ABCA4: variants seen among roughly 807,000 people sequenced by gnomAD.
ABCA4 encodes ATP binding cassette subfamily A member 4, also known as retinal-specific phospholipid-transporting ATPase ABCA4.
ABCA4 carries 196 observed loss-of-function variants against 263.7 expected under a neutral mutation model. The ratio of observed to expected loss-of-function variants is 0.74; its 90% CI spans 0.66 to 0.84. The LOEUF (loss-of-function observed/expected upper bound fraction) is 0.84. Among genes scored for constraint, ABCA4 ranks in the 40% least tolerant of loss-of-function variants. The pLI, the probability that ABCA4 is intolerant of heterozygous loss-of-function variation, is 0.00. For missense variants in ABCA4, 2,792 were observed against 2,855.1 expected (o/e 0.98, Z 0.50); for synonymous variants, 1,133 against 1,094.2 (o/e 1.04, Z -0.70).
chr1:93,993,721 G>A (rs1658928974), intron 49 of ABCA4, among the ~76,000 whole-genome samples: 1 of 152,138 alleles, frequency 6.6e-6, no homozygotes, highest in Non-Finnish European at 1.5e-5. Flanking sequence ...GAGAGCTGGA[G>A]TGCAGGATAT....
chr1:94,056,784 G>A lies in ABCA4; in HGVS notation c.2199C>T (p.Leu733=). Residue 733 remains leucine (L), a synonymous_variant, in exon 15 of 50, where the codon CTC becomes CTT. Transcript: ENST00000370225. ...RILHYSDPFI[L]FLFLLAFSTA... is the part of the protein sequence containing the mutation. ...TGGAGAAAGCCAACAAGAACAGGAA[G>A]AGGATGAATGGGTCGCTGTAATGTA... 6.2e-7 allele frequency: 1 copy of A among 1,612,194 alleles called. No individual in the cohort carries two copies. Among genetic ancestry groups the A allele is most frequent in the Non-Finnish European group, 8.5e-7 (1 of 1,179,032 alleles).
At chr1:94,064,803 C>T (rs538955079) in intron 11 of ABCA4, among the ~76,000 whole-genome samples, 36 of 152,232 alleles carry the variant, frequency 2.4e-4, no homozygotes, top group East Asian at 1.4e-3. Flanking sequence ...TGCAGGGCTT[C>T]CCCGGACACG....
Position 94,042,790 on chromosome 1 carries a change from A to T in ABCA4, c.3299T>A (p.Ile1100Asn), listed in dbSNP as rs1553190559. 2 of 1,614,202 alleles carry T rather than the reference A, an allele frequency of 1.2e-6. No individual in the cohort carries two copies. Among genetic ancestry groups the T allele is most frequent in the Non-Finnish European group, 1.7e-6 (2 of 1,180,048 alleles). ...SGVDPYSRRS[I>N]WDLLLKYRSG... Reference sequence around the variant, plus strand: ...GCGATACTTCAGGAGCAGATCCCAGATTGAGCGTCTCGAGTAAGGGTCCAC... The same window carrying T: ...GCGATACTTCAGGAGCAGATCCCAGTTTGAGCGTCTCGAGTAAGGGTCCAC... Residue 1100 changes from isoleucine (I) to asparagine (N), a missense_variant, in exon 22 of 50, where the codon ATC becomes AAC. Transcript: ENST00000370225.
At chr1:94,014,312 G>A (rs1446233829) in intron 38 of ABCA4, among the ~76,000 whole-genome samples, 6 of 148,868 alleles carry the variant, frequency 4.0e-5, no homozygotes, top group African/African-American at 1.5e-4. Context: ...GAAAAAGGAA[G>A]GAAGGAGGGA....
rs907910120 is a variant in ABCA4, at chr1:94,058,260, G to A, written c.2161-1438C>T. On this transcript the variant is annotated intron_variant, in intron 14 of 49. Coordinates refer to ENST00000370225, the MANE Select transcript of ABCA4 (RefSeq NM_000350.3). ...TCCTGATTTTGTGTGTCACCCACACGCAGCTCCATAAAAGCAAGTCCATGG... is the reference window on the plus strand; with the variant it reads ...TCCTGATTTTGTGTGTCACCCACACACAGCTCCATAAAAGCAAGTCCATGG... Among the ~76,000 whole-genome samples the A allele has an allele frequency of 3.9e-5, 6 of 152,198 alleles. No individual in the cohort carries two copies. The East Asian group carries it at 7.7e-4, about 19-fold the overall frequency.
chr1:94,042,390 G>T (rs1449591812), intron 22 of ABCA4, among the ~76,000 whole-genome samples: 1 of 152,120 alleles, frequency 6.6e-6, no homozygotes. Flanking sequence ...CCCTCACACT[G>T]GTCCTGAGTG....
intron 5 of ABCA4, 137 bp downstream of exon 5, chr1:94,102,878 A>C: frequency 7.9e-7 from 1 of 1,259,346 alleles, no homozygotes; most frequent in Non-Finnish European, 1.1e-6. Flanking sequence ...TTTTTTTCTA[A>C]ATACAAGGCA....
chr1:94,064,839 G>A (rs1267946270), intron 11 of ABCA4, among the ~76,000 whole-genome samples: 3 of 152,120 alleles, frequency 2.0e-5, no homozygotes, highest in Non-Finnish European at 4.4e-5. Flanking sequence ...GACCAGGGGA[G>A]TTCTGGGCAG....
chr1:94,015,374 T>C (rs1054730466), intron 37 of ABCA4, among the ~76,000 whole-genome samples: 5 of 152,114 alleles, frequency 3.3e-5, no homozygotes, highest in African/African-American at 1.2e-4. Flanking sequence ...CCAGTTCACA[T>C]GGGGACACTG....
intron 8 of ABCA4, 63 bp downstream of exon 8, chr1:94,080,415 T>A (rs1661657338): frequency 1.2e-6 from 2 of 1,605,392 alleles, no homozygotes; most frequent in Admixed American, 3.3e-5. Context: ...CACCTAGAAG[T>A]GTTAAACCAT....
At chr1:94,091,494 G>A (rs527456322) in intron 6 of ABCA4, among the ~76,000 whole-genome samples, 7 of 151,686 alleles carry the variant, frequency 4.6e-5, no homozygotes, top group South Asian at 4.2e-4. Flanking sequence ...TCAAAGAACC[G>A]GAAGAGACTG....
rs377062273 is a variant in ABCA4 at position 94,121,056 on chromosome 1, A to T, written c.-11T>A. On this transcript the variant is annotated 5_prime_UTR_variant, in exon 1 of 50. Coordinates refer to ENST00000370225, the MANE Select transcript of ABCA4 (RefSeq NM_000350.3). ...TCTCACGAAGCCCATGCTAATGACCACACGAAGACCAGATTGGTCAGAGCT... is the reference window on the plus strand; with the variant it reads ...TCTCACGAAGCCCATGCTAATGACCTCACGAAGACCAGATTGGTCAGAGCT... The T allele has an allele frequency of 4.3e-6, 7 of 1,614,036 alleles. No homozygotes were observed. The African/African-American group carries it at 9.3e-5, about 22-fold the overall frequency.
chr1:94,050,472 C>G (rs968180600), intron 17 of ABCA4, among the ~76,000 whole-genome samples: 1 of 152,194 alleles, frequency 6.6e-6, no homozygotes, highest in Non-Finnish European at 1.5e-5. Flanking sequence ...AAATCCATTT[C>G]AGTCCAGCCT....
At position 94,079,333 on chromosome 1, in the gene ABCA4, T is replaced by C. The variant is rs751128744; in HGVS notation, c.1228A>G (p.Ile410Val). 1 of 1,614,206 alleles carries C rather than the reference T, an allele frequency of 6.2e-7. No homozygotes were observed. Among genetic ancestry groups the C allele is most frequent in the Non-Finnish European group, 8.5e-7 (1 of 1,180,036 alleles). The change falls in exon 9 of 50, where the codon ATA becomes GTA. Residue 410 changes from isoleucine to valine, a missense_variant. Physicochemically the swap from Ile to Val is conservative, Grantham distance 29 (BLOSUM62 3). Transcript: ENST00000370225. The part of the protein sequence containing the change: ...YTPDSPAARR[I>V]LKNANSTFEE... Reference sequence around the variant, plus strand: ...AGCTGGGATCTTACATTCTTCAGTATCCTTCGTGCTGCAGGTGAATCAGGA... The same window carrying C: ...AGCTGGGATCTTACATTCTTCAGTACCCTTCGTGCTGCAGGTGAATCAGGA...
chr1:94,074,642 C>T (rs1268443672), intron 11 of ABCA4, among the ~76,000 whole-genome samples: 1 of 152,138 alleles, frequency 6.6e-6, no homozygotes, highest in Non-Finnish European at 1.5e-5. Flanking sequence ...TCATCTCATG[C>T]CAGTCAGAAT....
At chr1:94,085,596 CA>C (rs1375174336) in intron 6 of ABCA4, among the ~76,000 whole-genome samples, 25 of 152,130 alleles carry the variant, frequency 1.6e-4, no homozygotes, top group Admixed American at 1.6e-3. Flanking sequence ...CTGAGTTACC[CA>C]ACAGGCCAAT....
chr1:94,012,578 G>A (rs1659576323), intron 38 of ABCA4, among the ~76,000 whole-genome samples: 1 of 152,190 alleles, frequency 6.6e-6, no homozygotes, highest in African/African-American at 2.4e-5. Flanking sequence ...TTAGCTCAGA[G>A]TAGGCACTTC....
intron 32 of ABCA4, among the ~76,000 whole-genome samples, chr1:94,022,167 C>A (rs985287513): frequency 6.6e-6 from 1 of 152,252 alleles, no homozygotes; most frequent in African/African-American, 2.4e-5. Context: ...TGAGGCCCTT[C>A]TGCATCTGGT....
chr1:94,023,174 C>T (rs536184051), intron 32 of ABCA4, among the ~76,000 whole-genome samples: 1 of 152,240 alleles, frequency 6.6e-6, no homozygotes, highest in Admixed American at 6.5e-5. Context: ...AATGCCACCC[C>T]CACTTATGTC....
Sources: gnomAD v4.1 joint callset for allele counts (sites outside exome capture counted in the v4.1 genomes callset) on GRCh38, gnomAD v4.1.1 for gene constraint, MANE v1.5 for transcripts, NCBI Gene and HGNC (gene_info 2026-07-23, HGNC 2026-07-21) for gene names.